FIG4: variants seen among roughly 807,000 people sequenced by gnomAD.
FIG4 encodes polyphosphoinositide phosphatase.
FIG4 carries 112 observed loss-of-function variants against 118.6 expected under a neutral mutation model. That is an observed-to-expected ratio of 0.94 (90% CI 0.81 to 1.11). The LOEUF is 1.11. FIG4 is among the 50% of genes least tolerant of loss of function. The pLI, the probability that FIG4 is intolerant of heterozygous loss-of-function variation, is 0.00. For missense variants in FIG4, 969 were observed against 1,111.7 expected (o/e 0.87, Z 1.83); for synonymous variants, 369 against 381.2 (o/e 0.97, Z 0.37).
chr6:109,717,967 T>G (rs1050995813), intron 3 of FIG4, among the ~76,000 whole-genome samples: 1 of 152,204 alleles, frequency 6.6e-6, no homozygotes, highest in African/African-American at 2.4e-5. Flanking sequence ...CGCATTGCTA[T>G]AAAGAAATAC....
chr6:109,740,240 A>G (rs1433564422), intron 7 of FIG4, among the ~76,000 whole-genome samples: 1 of 152,164 alleles, frequency 6.6e-6, no homozygotes, highest in African/African-American at 2.4e-5. Context: ...GGGTCCTGGC[A>G]CATATTAAAC....
chr6:109,803,498 G>C (rs1778479558), intron 22 of FIG4, among the ~76,000 whole-genome samples: 1 of 152,184 alleles, frequency 6.6e-6, no homozygotes, highest in African/African-American at 2.4e-5. Context: ...GTGAGTTTCA[G>C]ACAATAATGG....
Position 109,825,264 on chromosome 6 carries a change from G to A in FIG4, c.2723G>A (p.Ter908=). ...YREYIRNRYL[*] ...GAGTACATCAGGAACCGCTACCTGT[G>A]AAAAGAGCGCAGGTCCACCTGGTGG... The change falls in exon 23 of 23, where the codon TGA becomes TAA. Residue 908 remains the stop codon, a stop_retained_variant. Coordinates refer to ENST00000230124, the MANE Select transcript of FIG4 (RefSeq NM_014845.6). The A allele has an allele frequency of 6.2e-7, 1 of 1,613,978 alleles. No homozygotes were observed.
chr6:109,743,949 T>C (rs979905784), intron 10 of FIG4, among the ~76,000 whole-genome samples, 177 bp downstream of exon 10: 4 of 152,098 alleles, frequency 2.6e-5, no homozygotes, highest in African/African-American at 9.7e-5. Context: ...GGCCTCAGAT[T>C]CCATGTGGCT....
intron 16 of FIG4, among the ~76,000 whole-genome samples, chr6:109,781,331 C>G (rs997308493): frequency 3.3e-4 from 50 of 152,220 alleles, no homozygotes; most frequent in African/African-American, 1.2e-3. Flanking sequence ...TTAAATAGCC[C>G]CAGTTTCTTC....
intron 1 of FIG4, chr6:109,701,689 A>G (rs1013016978): frequency 1.1e-5 from 5 of 471,390 alleles, no homozygotes; most frequent in Non-Finnish European, 2.2e-5. Flanking sequence ...TCCCACCCCC[A>G]TCACAGAAAG....
chr6:109,749,628 T>C (rs1027590680), intron 10 of FIG4, among the ~76,000 whole-genome samples: 4 of 32,906 alleles, frequency 1.2e-4, no homozygotes, highest in Non-Finnish European at 2.0e-4. Context: ...AAAAGTAAGT[T>C]CATGTTTTAC....
intron 15 of FIG4, among the ~76,000 whole-genome samples, chr6:109,770,812 A>G (rs1216680980): frequency 6.6e-6 from 1 of 152,190 alleles, no homozygotes; most frequent in African/African-American, 2.4e-5. Flanking sequence ...TGTGGATTAC[A>G]TTTCAACACC....
intron 16 of FIG4, among the ~76,000 whole-genome samples, chr6:109,778,713 C>T (rs1777697997): frequency 6.6e-6 from 1 of 152,064 alleles, no homozygotes; most frequent in South Asian, 2.1e-4. Flanking sequence ...ATTCTCCTGC[C>T]TCGGCCTCCC....
intron 3 of FIG4, among the ~76,000 whole-genome samples, chr6:109,720,362 G>C (rs1410022225): frequency 6.6e-6 from 1 of 152,208 alleles, no homozygotes; most frequent in Non-Finnish European, 1.5e-5. Context: ...GAATGGTTGT[G>C]TTCTATTCTG....
intron 4 of FIG4, among the ~76,000 whole-genome samples, chr6:109,730,052 A>ATT (rs570555524): frequency 1.3e-5 from 2 of 148,438 alleles, no homozygotes; most frequent in African/African-American, 4.9e-5. Flanking sequence ...TTAATTTATA[A>ATT]TTTTTTTTTT....
chr6:109,710,449 C>G (rs1484256891), intron 1 of FIG4, among the ~76,000 whole-genome samples: 2 of 152,276 alleles, frequency 1.3e-5, no homozygotes, highest in Middle Eastern at 3.4e-3. Context: ...GTTTTGTTAT[C>G]AGGATGATGC....
intron 12 of FIG4, 24 bp from the exon 13 acceptor site, chr6:109,763,913 A>T: frequency 6.4e-7 from 1 of 1,574,172 alleles, no homozygotes; most frequent in East Asian, 2.2e-5. Flanking sequence ...TAAGTTTTTT[A>T]AAAGTGTTTA....
intron 10 of FIG4, among the ~76,000 whole-genome samples, chr6:109,755,780 A>G (rs1034166452): frequency 1.1e-4 from 16 of 151,634 alleles, no homozygotes; most frequent in Admixed American, 5.3e-4. Flanking sequence ...TTTGTTTTCC[A>G]TTTGCTTGGT....
intron 3 of FIG4, among the ~76,000 whole-genome samples, chr6:109,718,628 TCTC>T (rs1332954546): frequency 6.6e-6 from 1 of 152,128 alleles, no homozygotes; most frequent in Non-Finnish European, 1.5e-5. Context: ...ACTGGTTTCT[TCTC>T]CTCAGGCCTG....
At chr6:109,789,468 C>T (rs998543059) in intron 18 of FIG4, 126 bp from the exon 19 acceptor site, 1 of 743,572 alleles carries the variant, frequency 1.3e-6, no homozygotes, top group Middle Eastern at 2.5e-4. Context: ...CAAGTTGGCT[C>T]AGAATATGTA....
intron 1 of FIG4, among the ~76,000 whole-genome samples, chr6:109,711,025 G>C (rs6900133): frequency 0.29 from 43,868 of 151,830 alleles, 6,851 homozygotes; most frequent in Non-Finnish European, 0.35. Context: ...TTGATGATCT[G>C]TCTACTATTG....
At position 109,764,999 on chromosome 6, in the gene FIG4, G is replaced by GTCT; in HGVS notation, c.1435-13_1435-12insCTT. The GTCT allele has an allele frequency of 3.1e-6, 5 of 1,610,632 alleles. No homozygotes were observed. Among genetic ancestry groups the GTCT allele is most frequent in the Non-Finnish European group, 4.2e-6 (5 of 1,176,960 alleles). ...TGGAATAATGATTGAAAATCTTAAG[G>GTCT]TATTTCTCTTTAGACTGGCATCCTT... On this transcript the variant is annotated splice_polypyrimidine_tract_variant and intron_variant, in intron 13 of 22. Coordinates refer to ENST00000230124, the MANE Select transcript of FIG4 (RefSeq NM_014845.6).
rs564240607 is a variant in FIG4 at position 109,816,760 on chromosome 6, A to G, written c.2547-8328A>G. On this transcript the variant is annotated intron_variant, in intron 22 of 22. Coordinates refer to ENST00000230124, the MANE Select transcript of FIG4 (RefSeq NM_014845.6). ...AAATTAAAAGTTTATTAGAAAGAAG[A>G]TGGAAGTCACAAGAAGTGTAATGAT... 1.9e-3 allele frequency among the ~76,000 whole-genome samples: 296 copies of G among 152,334 alleles called. 1 individual carries two copies. Among genetic ancestry groups the G allele is most frequent in the African/African-American group, 6.9e-3 (286 of 41,560 alleles).
Sources: gnomAD v4.1 joint callset for allele counts (sites outside exome capture counted in the v4.1 genomes callset) on GRCh38, gnomAD v4.1.1 for gene constraint, MANE v1.5 for transcripts, NCBI Gene and HGNC (gene_info 2026-07-23, HGNC 2026-07-21) for gene names.